Variants in SENP6 observed in about 807,000 individuals in gnomAD.
The protein encoded by SENP6 is sentrin-specific protease 6.
A neutral mutation model predicts 134.5 loss-of-function variants in SENP6; 41 were observed. The observed-to-expected ratio is 0.30, with a 90% confidence interval of 0.24 to 0.40. SENP6 has a LOEUF of 0.40. Among genes scored for constraint, SENP6 ranks in the 10% least tolerant of loss-of-function variants. SENP6 has a pLI of 1.00. For missense variants in SENP6, 1,248 were observed against 1,312.5 expected, an observed-to-expected ratio of 0.95 and a Z score of 0.76; for synonymous variants, 395 against 429.8, an observed-to-expected ratio of 0.92 and a Z score of 1.00.
At position 75,702,724 on chromosome 6, in the gene SENP6, A is replaced by T; in HGVS notation, c.2368A>T (p.Asn790Tyr). Residue 790 changes from asparagine to tyrosine, a missense_variant, in exon 19 of 24, where the codon AAT becomes TAT. By Grantham distance (143) the Asn-to-Tyr change is moderately radical. Coordinates refer to ENST00000447266, the MANE Select transcript of SENP6 (RefSeq NM_015571.4). Reference sequence around the variant, plus strand: ...TGAACCTAATCCTCATTACCATGAAAATGCTGTCATACAGAAATGTTCAAC... The same window carrying T: ...TGAACCTAATCCTCATTACCATGAATATGCTGTCATACAGAAATGTTCAAC... ...KYEPNPHYHENAVIQKCSTVE... is the reference protein window; with the variant it reads ...KYEPNPHYHEYAVIQKCSTVE... The T allele has an allele frequency of 1.2e-6, 2 of 1,613,786 alleles. No individual in the cohort carries two copies. The highest frequency in any genetic ancestry group is 1.7e-6 in the Non-Finnish European group (2 of 1,179,894).
At chr6:75,684,566 T>C (rs548853620) in intron 16 of SENP6, among the ~76,000 whole-genome samples, 4 of 152,282 alleles carry the variant, frequency 2.6e-5, no homozygotes, top group South Asian at 2.1e-4. Context: ...TTTTGAGATA[T>C]TTTCCATCAA....
At chr6:75,664,195 A>T (rs1336751070) in intron 9 of SENP6, among the ~76,000 whole-genome samples, 1 of 151,992 alleles carries the variant, frequency 6.6e-6, no homozygotes, top group Non-Finnish European at 1.5e-5. Flanking sequence ...GGAGACTGAG[A>T]TGAGAGAATT....
chr6:75,617,474 G>A (rs994245279), intron 1 of SENP6, among the ~76,000 whole-genome samples: 2 of 151,776 alleles, frequency 1.3e-5, no homozygotes, highest in Admixed American at 6.6e-5. Flanking sequence ...GTTTCTCCAC[G>A]TTGGTCAGGC....
chr6:75,716,249 A>G lies in SENP6; in HGVS notation c.*655A>G, dbSNP rs1439707475. ...AGTAACCTTATACTACTAAAAAAAAAATTCTTGCATATATTATCATCAAAT... is the reference window on the plus strand; with the variant it reads ...AGTAACCTTATACTACTAAAAAAAAGATTCTTGCATATATTATCATCAAAT... On this transcript the variant is annotated 3_prime_UTR_variant, in exon 24 of 24. Coordinates refer to ENST00000447266, the MANE Select transcript of SENP6 (RefSeq NM_015571.4). 6.6e-6 allele frequency: 1 copy of G among 151,980 alleles called. No individual in the cohort carries two copies. Among genetic ancestry groups the G allele is most frequent in the African/African-American group, 2.4e-5 (1 of 41,430 alleles). The allele number at this position is 151,980 out of a possible 1,614,324, so 9.4% of individuals were successfully genotyped here.
chr6:75,647,325 G>T (rs1770529096), intron 6 of SENP6: 1 of 156,320 alleles, frequency 6.4e-6, no homozygotes, highest in Non-Finnish European at 1.4e-5. Context: ...CCTTGATATT[G>T]TGTGTATTTG....
chr6:75,625,925 A>G (rs1383325149), intron 3 of SENP6, among the ~76,000 whole-genome samples: 1 of 152,210 alleles, frequency 6.6e-6, no homozygotes, highest in Non-Finnish European at 1.5e-5. Context: ...TATTAGATAT[A>G]TAAAATAGTT....
Position 75,717,122 on chromosome 6 carries a change from G to A in SENP6, c.*1528G>A, listed in dbSNP as rs1776056957. 1 of 151,944 alleles carries A rather than the reference G, an allele frequency of 6.6e-6. No individual in the cohort carries two copies. Among genetic ancestry groups the A allele is most frequent in the Non-Finnish European group, 1.5e-5 (1 of 67,858 alleles). 9.4% of individuals were successfully genotyped at this position (151,944 alleles called of 1,614,324 possible). ...GTAATAACTTAGAGCTGTTAGCTCA[G>A]ATATCTTAATTAGCTCATATGAAAA... On this transcript the variant is annotated 3_prime_UTR_variant, in exon 24 of 24. Transcript: ENST00000447266.
chr6:75,660,823 G>A (rs1023599116), intron 8 of SENP6, among the ~76,000 whole-genome samples: 2 of 152,008 alleles, frequency 1.3e-5, no homozygotes, highest in African/African-American at 4.8e-5. Context: ...TAGAGATGGC[G>A]TTTCACCATG....
At chr6:75,653,145 C>T (rs1771041180) in intron 7 of SENP6, among the ~76,000 whole-genome samples, 2 of 152,160 alleles carry the variant, frequency 1.3e-5, no homozygotes, top group South Asian at 4.1e-4. Flanking sequence ...ATTTTCCTGC[C>T]TCACCCTCCC....
chr6:75,670,925 T>A (rs1772626091), intron 11 of SENP6, among the ~76,000 whole-genome samples: 1 of 149,582 alleles, frequency 6.7e-6, no homozygotes, highest in Non-Finnish European at 1.5e-5. Context: ...ATGTTATTGT[T>A]TATTATCATG....
At chr6:75,689,784 A>G (rs1774108730) in intron 16 of SENP6, among the ~76,000 whole-genome samples, 1 of 151,188 alleles carries the variant, frequency 6.6e-6, no homozygotes, top group Admixed American at 6.6e-5. Flanking sequence ...GCCTAGGTGT[A>G]TAGGACACTA....
At chr6:75,691,506 T>C (rs560779130) in intron 16 of SENP6, among the ~76,000 whole-genome samples, 2 of 152,358 alleles carry the variant, frequency 1.3e-5, no homozygotes, top group African/African-American at 4.8e-5. Context: ...ATTTAAATGA[T>C]GTATGCACTT....
intron 18 of SENP6, among the ~76,000 whole-genome samples, chr6:75,699,972 G>A (rs1471777942): frequency 6.6e-6 from 1 of 151,946 alleles, no homozygotes; most frequent in Non-Finnish European, 1.5e-5. Context: ...GTACAGTGGT[G>A]CAATCATAGC....
intron 1 of SENP6, among the ~76,000 whole-genome samples, chr6:75,607,882 A>G (rs1198662802): frequency 6.6e-6 from 1 of 151,816 alleles, no homozygotes; most frequent in Non-Finnish European, 1.5e-5. Flanking sequence ...GAGACCGTAA[A>G]TACCTAACAC....
At chr6:75,612,926 C>T (rs1767566954) in intron 1 of SENP6, among the ~76,000 whole-genome samples, 1 of 151,998 alleles carries the variant, frequency 6.6e-6, no homozygotes, top group Non-Finnish European at 1.5e-5. Context: ...CCAGCCTGGC[C>T]AACATGGTGA....
intron 1 of SENP6, among the ~76,000 whole-genome samples, chr6:75,620,065 C>T (rs1230516556): frequency 1.4e-5 from 2 of 139,102 alleles, no homozygotes; most frequent in African/African-American, 5.2e-5. Context: ...TGCACTCCAG[C>T]TTGGGCTACC....
Position 75,705,566 on chromosome 6 carries a change from T to A in SENP6, c.2716+2494T>A, listed in dbSNP as rs111725034. Among the ~76,000 whole-genome samples the A allele has an allele frequency of 5.5e-3, 832 of 151,954 alleles. 6 individuals carry two copies. Among genetic ancestry groups the A allele is most frequent in the African/African-American group, 0.015 (635 of 41,440 alleles). On this transcript the variant is annotated intron_variant, in intron 19 of 23. Coordinates refer to ENST00000447266, the MANE Select transcript of SENP6 (RefSeq NM_015571.4). ...CTCAAAAATAAATAAATAAATTAAT[T>A]AATTAATTAAAAACTAGTTTCTGTT...
At chr6:75,681,843 A>G (rs887441456) in intron 16 of SENP6, among the ~76,000 whole-genome samples, 2 of 152,184 alleles carry the variant, frequency 1.3e-5, no homozygotes, top group Non-Finnish European at 2.9e-5. Flanking sequence ...AGCCTGGGCA[A>G]CATAGCAAAA....
chr6:75,616,262 A>T lies in SENP6; in HGVS notation c.53-5270A>T, dbSNP rs577679694. Among the ~76,000 whole-genome samples the T allele has an allele frequency of 3.3e-5, 5 of 152,356 alleles. 1 individual carries two copies. The South Asian group carries it at 6.2e-4, about 19-fold the overall frequency. Reference sequence around the variant, plus strand: ...CTCATAATTACAAAGGTCAACCATAACAAGTTATTGAAATGTAGTGATACT... The same window carrying T: ...CTCATAATTACAAAGGTCAACCATATCAAGTTATTGAAATGTAGTGATACT... On this transcript the variant is annotated intron_variant, in intron 1 of 23. Transcript: ENST00000447266.
Sources: gnomAD v4.1 joint callset for allele counts (sites outside exome capture counted in the v4.1 genomes callset) on GRCh38, gnomAD v4.1.1 for gene constraint, MANE v1.5 for transcripts, NCBI Gene and HGNC (gene_info 2026-07-23, HGNC 2026-07-21) for gene names.